The following SPDEF variants were observed in gnomAD, a reference collection of about 807,000 sequenced individuals.
SPDEF encodes SAM pointed domain containing ETS transcription factor.
SPDEF carries 12 observed loss-of-function variants against 36.0 expected under a neutral mutation model. The observed-to-expected ratio is 0.33, with a 90% CI of 0.21 to 0.54. SPDEF has a LOEUF of 0.54. Among genes scored for constraint, SPDEF ranks in the 20% least tolerant of loss-of-function variants. The pLI, the probability that SPDEF is intolerant of heterozygous loss-of-function variation, is 0.93. For missense variants in SPDEF, 388 were observed against 456.9 expected (o/e 0.85, Z 1.37); for synonymous variants, 205 against 193.0 (o/e 1.06, Z -0.51).
rs141468309 is a variant in SPDEF, at chr6:34,541,418, G to A, written c.437-237C>T. 5.7e-3 allele frequency among the ~76,000 whole-genome samples: 867 copies of A among 152,284 alleles called. 7 individuals carry two copies. The highest frequency in any genetic ancestry group is 0.02 in the African/African-American group (821 of 41,554). On this transcript the variant is annotated intron_variant, in intron 2 of 5. Transcript: ENST00000374037. ...TTGGTTCAGGGCAGGGTAACCTGGT[G>A]CATCTGTACTGCCCGCCTCACCCAG...
intron 1 of SPDEF, among the ~76,000 whole-genome samples, chr6:34,545,448 C>T (rs1412492577): frequency 6.6e-6 from 1 of 152,288 alleles, no homozygotes; most frequent in African/African-American, 2.4e-5. Flanking sequence ...CAGTCAGAGG[C>T]CTTGCTCCCC....
At chr6:34,549,477 C>T (rs960344740) in intron 1 of SPDEF, among the ~76,000 whole-genome samples, 1 of 152,152 alleles carries the variant, frequency 6.6e-6, no homozygotes, top group Admixed American at 6.5e-5. Context: ...CCCCTTGAAC[C>T]CTTTGCCTCC....
intron 2 of SPDEF, among the ~76,000 whole-genome samples, chr6:34,542,045 G>C (rs1767833121): frequency 6.6e-6 from 1 of 152,212 alleles, no homozygotes; most frequent in African/African-American, 2.4e-5. Flanking sequence ...ATTGTTGAGG[G>C]AGCAGGGCCC....
intron 1 of SPDEF, among the ~76,000 whole-genome samples, chr6:34,545,788 A>T (rs981706005): frequency 2.0e-5 from 3 of 151,992 alleles, no homozygotes; most frequent in African/African-American, 7.3e-5. Context: ...TGGGTGCCTG[A>T]TTCTCCTGTC....
In SPDEF at chr6:34,538,148, C is replaced by CT; in HGVS notation, c.*125dup. 2 of 1,111,456 alleles carry CT rather than the reference C, an allele frequency of 1.8e-6. No individual in the cohort carries two copies. Among genetic ancestry groups the CT allele is most frequent in the Non-Finnish European group, 1.3e-6 (1 of 782,728 alleles). 68.8% of individuals were successfully genotyped at this position (1,111,456 alleles called of 1,614,324 possible). On this transcript the variant is annotated 3_prime_UTR_variant, in exon 6 of 6. Transcript: ENST00000374037. The surrounding 1 kb of genome is among the most constrained non-coding windows in gnomAD (Gnocchi z 5.9). Reference sequence around the variant, plus strand: ...GGGCAGTTGGTTGCCCCTCCCTGACCTTGGGCTCTGGAAGGTCAGAGCAGC... The same window carrying CT: ...GGGCAGTTGGTTGCCCCTCCCTGACCTTTGGGCTCTGGAAGGTCAGAGCAGC...
intron 1 of SPDEF, among the ~76,000 whole-genome samples, chr6:34,545,676 G>A (rs532979286): frequency 3.3e-5 from 5 of 152,324 alleles, no homozygotes; most frequent in South Asian, 2.1e-4. Flanking sequence ...TTGGGAGGCC[G>A]AGGCGGGCAG....
chr6:34,539,507 T>C lies in SPDEF; in HGVS notation c.682+8A>G. ...CCCCCGCCTCCACCCTGCCGCTGCC[T>C]GGCTCACCACAGTAGTGAATCGCCC... On this transcript the variant is annotated splice_region_variant and intron_variant, in intron 4 of 5. Coordinates refer to ENST00000374037, the MANE Select transcript of SPDEF (RefSeq NM_012391.3). This position sits in a 1 kb window ranked among gnomAD's most constrained non-coding sequence, Gnocchi z 5.2. 6.3e-7 allele frequency: 1 copy of C among 1,579,568 alleles called. No homozygotes were observed. The highest frequency in any genetic ancestry group is 8.6e-7 in the Non-Finnish European group (1 of 1,163,826).
At chr6:34,554,816 G>A (rs1768131715) in intron 1 of SPDEF, among the ~76,000 whole-genome samples, 1 of 152,178 alleles carries the variant, frequency 6.6e-6, no homozygotes, top group Non-Finnish European at 1.5e-5. Flanking sequence ...CAGCCTGGAC[G>A]CCTGTTTGCT....
chr6:34,540,410 C>CAAA (rs534729419), intron 3 of SPDEF, among the ~76,000 whole-genome samples: 1 of 132,758 alleles, frequency 7.5e-6, no homozygotes, highest in African/African-American at 2.7e-5. Flanking sequence ...CTACTTATGT[C>CAAA]AAAAAAAAAA....
intron 1 of SPDEF, among the ~76,000 whole-genome samples, chr6:34,554,861 T>C (rs1768132386): frequency 6.6e-6 from 1 of 152,092 alleles, no homozygotes; most frequent in Non-Finnish European, 1.5e-5. Context: ...GATGGGGAGA[T>C]GCAGCTTTAT....
chr6:34,552,224 G>A lies in SPDEF; in HGVS notation c.-30+3705C>T, dbSNP rs371890469. 3.3e-5 allele frequency among the ~76,000 whole-genome samples: 5 copies of A among 152,066 alleles called. No individual in the cohort carries two copies. The highest frequency in any genetic ancestry group is 1.2e-4 in the African/African-American group (5 of 41,408). ...CCTACCCTCCTCCAGCCCCGCATACGCCGTACCTCCCAGCTTGCCACAGGA... is the reference window on the plus strand; with the variant it reads ...CCTACCCTCCTCCAGCCCCGCATACACCGTACCTCCCAGCTTGCCACAGGA... On this transcript the variant is annotated intron_variant, in intron 1 of 5. Coordinates refer to ENST00000374037, the MANE Select transcript of SPDEF (RefSeq NM_012391.3). The surrounding 1 kb of genome is among the most constrained non-coding windows in gnomAD (Gnocchi z 4.6).
chr6:34,549,413 C>G (rs534537751), intron 1 of SPDEF, among the ~76,000 whole-genome samples: 42 of 152,274 alleles, frequency 2.8e-4, no homozygotes, highest in African/African-American at 9.9e-4. Flanking sequence ...AGATTTAGTG[C>G]AGCTTTTCCT....
rs1767730754 is a variant in SPDEF at position 34,538,045 on chromosome 6, C to T, written c.*229G>A. The T allele has an allele frequency of 3.9e-6, 2 of 512,652 alleles. No individual in the cohort carries two copies. The highest frequency in any genetic ancestry group is 6.1e-5 in the South Asian group (2 of 32,844). 31.8% of individuals were successfully genotyped at this position (512,652 alleles called of 1,614,324 possible). ...AGCAGCCCTGTCTCCCTCTGTCCTC[C>T]AGGGGAGCAGCTGGGCCTGAGGAGG... On this transcript the variant is annotated 3_prime_UTR_variant, in exon 6 of 6. Coordinates refer to ENST00000374037, the MANE Select transcript of SPDEF (RefSeq NM_012391.3). This position sits in a 1 kb window ranked among gnomAD's most constrained non-coding sequence, Gnocchi z 5.9.
Position 34,555,452 on chromosome 6 carries a change from G to A in SPDEF, c.-30+477C>T, listed in dbSNP as rs1004555429. On this transcript the variant is annotated intron_variant, in intron 1 of 5. Coordinates refer to ENST00000374037, the MANE Select transcript of SPDEF (RefSeq NM_012391.3). The surrounding 1 kb of genome is among the most constrained non-coding windows in gnomAD (Gnocchi z 5.2). ...GTCTCCCCTGTCCCGAACTGGACCC[G>A]GCCTTAGACTTAGCCCTGACCCATC... Among the ~76,000 whole-genome samples, 1 of 152,062 alleles carries A rather than the reference G, an allele frequency of 6.6e-6. No homozygotes were observed. The highest frequency in any genetic ancestry group is 2.4e-5 in the African/African-American group (1 of 41,386).
chr6:34,552,533 G>A lies in SPDEF; in HGVS notation c.-30+3396C>T, dbSNP rs539599192. The stretch of plus-strand genomic sequence containing the variant: ...GTGGTGACTGCTGTCTCCATCTGCC[G>A]TGTTTCTGCGGCCCCTCCAGACCCA... On this transcript the variant is annotated intron_variant, in intron 1 of 5. Coordinates refer to ENST00000374037, the MANE Select transcript of SPDEF (RefSeq NM_012391.3). This position sits in a 1 kb window ranked among gnomAD's most constrained non-coding sequence, Gnocchi z 4.6. 2.0e-5 allele frequency among the ~76,000 whole-genome samples: 3 copies of A among 152,324 alleles called. No individual in the cohort carries two copies. Among genetic ancestry groups the A allele is most frequent in the South Asian group, 2.1e-4 (1 of 4,830 alleles).
chr6:34,543,875 G>A, intron 2 of SPDEF, 145 bp downstream of exon 2: 2 of 729,378 alleles, frequency 2.7e-6, no homozygotes, highest in South Asian at 4.0e-5. Context: ...AGCTGACTGT[G>A]TGTAGAAGTG....
Position 34,555,301 on chromosome 6 carries a change from G to A in SPDEF, c.-30+628C>T, listed in dbSNP as rs1582009587. 6.6e-6 allele frequency among the ~76,000 whole-genome samples: 1 copy of A among 152,148 alleles called. No individual in the cohort carries two copies. The highest frequency in any genetic ancestry group is 1.9e-4 in the East Asian group (1 of 5,162). ...TACTGTTGCTTTCCTTGTGTGCCAA[G>A]ACCAGGACCCAAGGCTCTCAGCTTC... On this transcript the variant is annotated intron_variant, in intron 1 of 5. Transcript: ENST00000374037. This position sits in a 1 kb window ranked among gnomAD's most constrained non-coding sequence, Gnocchi z 5.2.
chr6:34,553,486 TCTGGGG>T (rs1768106136), intron 1 of SPDEF, among the ~76,000 whole-genome samples: 1 of 152,186 alleles, frequency 6.6e-6, no homozygotes, highest in African/African-American at 2.4e-5. Context: ...GCTCTCTAGC[TCTGGGG>T]CTGGGGCCAG....
intron 3 of SPDEF, among the ~76,000 whole-genome samples, chr6:34,540,129 C>T (rs925768249): frequency 9.9e-5 from 15 of 152,050 alleles, no homozygotes; most frequent in Non-Finnish European, 1.8e-4. Flanking sequence ...GGTGAAAACC[C>T]GTCTCTACCA....
Sources: allele counts gnomAD v4.1 joint callset (sites outside exome capture counted in the v4.1 genomes callset), GRCh38; gene constraint gnomAD v4.1.1; non-coding constraint Gnocchi (gnomAD v3.1); transcripts MANE v1.5; gene names NCBI Gene and HGNC (gene_info 2026-07-23, HGNC 2026-07-21).